FGFR1OP2: variants seen among roughly 807,000 people sequenced by gnomAD.
FGFR1OP2 encodes the protein fibroblast growth factor receptor 1 oncogene partner 2.
A neutral mutation model predicts 35.2 loss-of-function variants in FGFR1OP2; 17 were observed. The observed-to-expected ratio is 0.48, with a 90% CI of 0.33 to 0.73. The LOEUF (loss-of-function observed/expected upper bound fraction) is 0.73, where lower values mean the gene tolerates loss of function less well. Among genes scored for constraint, FGFR1OP2 ranks in the 30% least tolerant of loss-of-function variants. The pLI, the probability that FGFR1OP2 is intolerant of heterozygous loss-of-function variation, is 0.02. For synonymous variants in FGFR1OP2, 105 were observed against 104.6 expected, an observed-to-expected ratio of 1.00 and a Z score of -0.03; for missense variants, 251 against 307.3, an observed-to-expected ratio of 0.82 and a Z score of 1.37.
intron 1 of FGFR1OP2, among the ~76,000 whole-genome samples, chr12:26,946,799 G>A (rs1274101641): frequency 6.6e-6 from 1 of 152,136 alleles, no homozygotes; most frequent in Admixed American, 6.5e-5. Flanking sequence ...AAAAGAAACC[G>A]TATGTTCATT....
chr12:26,945,490 A>G (rs1938805520), intron 1 of FGFR1OP2, among the ~76,000 whole-genome samples: 1 of 152,204 alleles, frequency 6.6e-6, no homozygotes, highest in South Asian at 2.1e-4. Flanking sequence ...ACATTGTTTA[A>G]CTTCCAGATG....
At position 26,939,270 on chromosome 12, in the gene FGFR1OP2, C is replaced by T. The variant is rs181147397; in HGVS notation, c.-15+560C>T. On this transcript the variant is annotated intron_variant, in intron 1 of 6. Transcript: ENST00000229395. Reference sequence around the variant, plus strand: ...TTCGCCAGAATTAGTGCGGTTGCCCCCTCTGCCCCCCGCCCTCCACTGGTT... The same window carrying T: ...TTCGCCAGAATTAGTGCGGTTGCCCTCTCTGCCCCCCGCCCTCCACTGGTT... Among the ~76,000 whole-genome samples the T allele has an allele frequency of 1.3e-3, 202 of 151,982 alleles. 2 individuals are homozygous for T. Among genetic ancestry groups the T allele is most frequent in the African/African-American group, 4.6e-3 (192 of 41,444 alleles).
chr12:26,944,059 T>A (rs1013682924), intron 1 of FGFR1OP2, among the ~76,000 whole-genome samples: 10 of 150,034 alleles, frequency 6.7e-5, no homozygotes, highest in East Asian at 1.9e-4. Context: ...ATGTGTGTTT[T>A]AAAAAAAAAA....
rs1044389100 is a variant in FGFR1OP2 at position 26,949,192 on chromosome 12, A to G, written c.-14-4953A>G. 1.2e-4 allele frequency among the ~76,000 whole-genome samples: 18 copies of G among 152,064 alleles called. 1 individual carries two copies. Among genetic ancestry groups the G allele is most frequent in the Non-Finnish European group, 4.4e-5 (3 of 67,992 alleles). ...CTTTTGTTGCCCAGGCTAGAGTGCA[A>G]TGGCGCGATCTCAGCTCACTGCAAC... On this transcript the variant is annotated intron_variant, in intron 1 of 6. Coordinates refer to ENST00000229395, the MANE Select transcript of FGFR1OP2 (RefSeq NM_015633.3).
intron 2 of FGFR1OP2, 134 bp downstream of exon 2, chr12:26,954,427 G>A (rs1178114272): frequency 1.1e-5 from 12 of 1,089,218 alleles, no homozygotes; most frequent in African/African-American, 9.7e-5. Flanking sequence ...TGTGTTTCAG[G>A]TTTACTTTAA....
At chr12:26,951,476 C>T (rs7132565) in intron 1 of FGFR1OP2, among the ~76,000 whole-genome samples, 1,724 of 152,224 alleles carry the variant, frequency 0.011, 42 homozygotes, top group African/African-American at 0.039. Flanking sequence ...TGTGCCACCA[C>T]GCCCAGCTAA....
chr12:26,961,031 A>G (rs1284864660), intron 5 of FGFR1OP2: 1 of 157,096 alleles, frequency 6.4e-6, no homozygotes, highest in East Asian at 1.8e-4. Flanking sequence ...TAGTCCTTTG[A>G]TTTTGCAAAT....
rs115135172 is a variant in FGFR1OP2 at position 26,948,597 on chromosome 12, G to A, written c.-14-5548G>A. On this transcript the variant is annotated intron_variant, in intron 1 of 6. Transcript: ENST00000229395. ...CTTTGTCTTTAGTTTTTGGAAATGT[G>A]ACTACAACGTGTCTGGAGTTAGATC... Among the ~76,000 whole-genome samples the A allele has an allele frequency of 3.0e-3, 453 of 152,268 alleles. 1 individual carries two copies. Among genetic ancestry groups the A allele is most frequent in the African/African-American group, 0.01 (435 of 41,542 alleles).
At chr12:26,951,108 G>A (rs528051918) in intron 1 of FGFR1OP2, among the ~76,000 whole-genome samples, 2 of 152,194 alleles carry the variant, frequency 1.3e-5, no homozygotes, top group South Asian at 2.1e-4. Flanking sequence ...TTGCTCGGAG[G>A]CAGGGAAGCT....
At chr12:26,950,871 A>G (rs1938917446) in intron 1 of FGFR1OP2, among the ~76,000 whole-genome samples, 2 of 152,362 alleles carry the variant, frequency 1.3e-5, no homozygotes, top group African/African-American at 2.4e-5. Flanking sequence ...TGGAATCACA[A>G]TCATGAGATT....
intron 1 of FGFR1OP2, among the ~76,000 whole-genome samples, chr12:26,939,315 A>G (rs989727725): frequency 6.8e-6 from 1 of 146,378 alleles, no homozygotes; most frequent in Non-Finnish European, 1.5e-5. Context: ...TAATCCTTCC[A>G]TAGAGTTATT....
chr12:26,942,498 AC>A (rs1185459301), intron 1 of FGFR1OP2, among the ~76,000 whole-genome samples: 1 of 152,160 alleles, frequency 6.6e-6, no homozygotes, highest in African/African-American at 2.4e-5. Flanking sequence ...CCTCTAGGGT[AC>A]TCTAGAGATC....
intron 5 of FGFR1OP2, 152 bp downstream of exon 5, chr12:26,960,780 A>G: frequency 8.1e-7 from 1 of 1,240,944 alleles, no homozygotes; most frequent in East Asian, 2.8e-5. Context: ...CATGCTGTTC[A>G]GTGTAGAAAC....
chr12:26,954,037 C>A, intron 1 of FGFR1OP2, 108 bp from the exon 2 acceptor site: 1 of 809,800 alleles, frequency 1.2e-6, no homozygotes, highest in African/African-American at 1.7e-5. Context: ...GGACAGTGAA[C>A]AATACTGTAA....
At position 26,938,592 on chromosome 12, in the gene FGFR1OP2, TG is replaced by T. The variant is rs1311998975; in HGVS notation, c.-132del. 3 of 152,350 alleles carry T rather than the reference TG, an allele frequency of 2.0e-5. No homozygotes were observed. The highest frequency in any genetic ancestry group is 7.2e-5 in the African/African-American group (3 of 41,434). 9.4% of individuals were successfully genotyped at this position (152,350 alleles called of 1,614,324 possible). ...GCCTCCGTCCGATTCTGCGTCTGCT[TG>T]CTGAGGAGGCGGATTAGGGGGGCGC... On this transcript the variant is annotated 5_prime_UTR_variant, in exon 1 of 7. The change abolishes the stop of an existing upstream ORF in the 5' untranslated region. Transcript: ENST00000229395.
Position 26,964,760 on chromosome 12 carries a change from A to G in FGFR1OP2, c.*27A>G, listed in dbSNP as rs192613947. 1.2e-6 allele frequency: 2 copies of G among 1,601,864 alleles called. No homozygotes were observed. Among genetic ancestry groups the G allele is most frequent in the African/African-American group, 2.7e-5 (2 of 74,698 alleles). On this transcript the variant is annotated 3_prime_UTR_variant, in exon 7 of 7. Transcript: ENST00000229395. The stretch of plus-strand genomic sequence containing the variant: ...GAGTTTCTGAGTCTGTGAGCTTCTT[A>G]CATGGCTCCAAATGGTCAAATAAGT...
In FGFR1OP2 at chr12:26,960,506, A is replaced by G. The variant is rs1037476976; in HGVS notation, c.397-9A>G. ...TCCGTATTAACATTATAATGACTCTATACTACAGATTGACATGGTACATCG... is the reference window on the plus strand; with the variant it reads ...TCCGTATTAACATTATAATGACTCTGTACTACAGATTGACATGGTACATCG... On this transcript the variant is annotated splice_polypyrimidine_tract_variant and intron_variant, in intron 4 of 6. Transcript: ENST00000229395. 1.6e-5 allele frequency: 25 copies of G among 1,597,990 alleles called. No homozygotes were observed. The highest frequency in any genetic ancestry group is 1.7e-4 in the Middle Eastern group (1 of 6,052).
intron 4 of FGFR1OP2, among the ~76,000 whole-genome samples, chr12:26,958,411 A>G (rs1271660334): frequency 6.6e-6 from 1 of 152,240 alleles, no homozygotes; most frequent in Non-Finnish European, 1.5e-5. Context: ...AAATTTGTGT[A>G]TTGACTTCTC....
rs888174694 is a variant in FGFR1OP2, at chr12:26,950,225, T to G, written c.-14-3920T>G. On this transcript the variant is annotated intron_variant, in intron 1 of 6. Transcript: ENST00000229395. ...TAATGTATTCGTTGTTTTTTTTTTT[T>G]TTTTTTTTTTTTTTGAGACAGAGTC... 1.8e-5 allele frequency among the ~76,000 whole-genome samples: 2 copies of G among 112,264 alleles called. 1 individual carries two copies. Among genetic ancestry groups the G allele is most frequent in the South Asian group, 6.8e-4 (2 of 2,938 alleles). 73.6% of individuals were successfully genotyped at this position (112,264 alleles called of 152,430 possible). A position where few individuals can be genotyped will look rare whatever the true frequency, so the allele number is the denominator to read the frequency against.
Sources: allele counts gnomAD v4.1 joint callset (sites outside exome capture counted in the v4.1 genomes callset), GRCh38; gene constraint gnomAD v4.1.1; transcripts MANE v1.5; gene names NCBI Gene and HGNC (gene_info 2026-07-23, HGNC 2026-07-21).